Variants in SLCO1A2 observed in about 807,000 individuals in gnomAD.
SLCO1A2 encodes the protein OATP-1.
A neutral mutation model predicts 69.0 loss-of-function variants in SLCO1A2; 67 were observed. That is an observed-to-expected ratio of 0.97 (90% CI 0.80 to 1.19). SLCO1A2 has a LOEUF of 1.19. Ranked by LOEUF, SLCO1A2 falls within the 50% of genes most tolerant of loss-of-function variation. SLCO1A2 has a pLI of 0.00. For missense variants in SLCO1A2, 787 were observed against 793.7 expected, an observed-to-expected ratio of 0.99 and a Z score of 0.10; for synonymous variants, 260 against 265.9, an observed-to-expected ratio of 0.98 and a Z score of 0.22.
intron 1 of SLCO1A2, chr12:21,378,133 A>G: frequency 9.3e-7 from 1 of 1,074,842 alleles, no homozygotes; most frequent in Non-Finnish European, 1.4e-6. Context: ...TTATGTGAAA[A>G]TTGTTTCTTT....
At chr12:21,364,586 T>A (rs1225338440) in intron 2 of SLCO1A2, among the ~76,000 whole-genome samples, 1 of 152,090 alleles carries the variant, frequency 6.6e-6, no homozygotes, top group Non-Finnish European at 1.5e-5. Context: ...GGTATTCAAT[T>A]AGGAAAAGAG....
chr12:21,271,997 T>TTTATG (rs983429795), intron 14 of SLCO1A2, among the ~76,000 whole-genome samples: 3 of 151,420 alleles, frequency 2.0e-5, no homozygotes, highest in Non-Finnish European at 3.0e-5. Flanking sequence ...GTTCTAATTA[T>TTTATG]TTATGTTTAC....
intron 1 of SLCO1A2, among the ~76,000 whole-genome samples, chr12:21,381,494 A>G (rs1453344058): frequency 6.6e-6 from 1 of 152,274 alleles, no homozygotes; most frequent in African/African-American, 2.4e-5. Context: ...AAGAATGTCC[A>G]TTATTAAAAA....
At chr12:21,281,244 G>A (rs1282810924) in intron 12 of SLCO1A2, among the ~76,000 whole-genome samples, 1 of 152,118 alleles carries the variant, frequency 6.6e-6, no homozygotes, top group African/African-American at 2.4e-5. Flanking sequence ...AAGGTCAGGA[G>A]ATCAAGACCA....
intron 1 of SLCO1A2, among the ~76,000 whole-genome samples, chr12:21,416,535 G>A (rs568970717): frequency 1.3e-5 from 2 of 151,864 alleles, no homozygotes; most frequent in African/African-American, 2.4e-5. Flanking sequence ...AGCTAGCTTC[G>A]TGGGTATGTG....
intron 2 of SLCO1A2, among the ~76,000 whole-genome samples, chr12:21,326,055 A>G (rs1450248045): frequency 6.6e-6 from 1 of 152,254 alleles, no homozygotes; most frequent in Non-Finnish European, 1.5e-5. Flanking sequence ...ATTGGATCAT[A>G]GGGGTGGGTT....
At chr12:21,269,885 G>T in intron 14 of SLCO1A2, 118 bp from the exon 15 acceptor site, 1 of 612,916 alleles carries the variant, frequency 1.6e-6, no homozygotes, top group Non-Finnish European at 2.5e-6. Flanking sequence ...TTTGCATGCT[G>T]ATCTTATATA....
intron 12 of SLCO1A2, among the ~76,000 whole-genome samples, chr12:21,280,777 G>A (rs527965082): frequency 2.6e-5 from 4 of 152,006 alleles, no homozygotes; most frequent in African/African-American, 9.6e-5. Context: ...TTTATCCAAT[G>A]GCTACAGAAT....
intron 12 of SLCO1A2, among the ~76,000 whole-genome samples, chr12:21,289,780 G>T (rs956213116): frequency 2.0e-5 from 3 of 151,594 alleles, no homozygotes; most frequent in African/African-American, 7.3e-5. Flanking sequence ...AGCCCAGGGT[G>T]TCTGGACTTG....
At chr12:21,275,136 A>G in intron 13 of SLCO1A2, 1 of 933,896 alleles carries the variant, frequency 1.1e-6, no homozygotes, top group Non-Finnish European at 1.4e-6. Context: ...AACATCACAC[A>G]CCAGGGCCTG....
intron 2 of SLCO1A2, among the ~76,000 whole-genome samples, 193 bp from the exon 3 acceptor site, chr12:21,319,116 TGA>T (rs1045100780): frequency 5.3e-4 from 81 of 152,310 alleles, no homozygotes; most frequent in Middle Eastern, 6.8e-3. Context: ...AAACTCAAAG[TGA>T]GACTAATTTT....
At chr12:21,285,143 A>T (rs1285985485) in intron 12 of SLCO1A2, among the ~76,000 whole-genome samples, 42 of 145,916 alleles carry the variant, frequency 2.9e-4, no homozygotes, top group African/African-American at 7.4e-4. Context: ...GAGAAGAATC[A>T]AATAGACACA....
chr12:21,405,240 T>C (rs1158333918), intron 1 of SLCO1A2, among the ~76,000 whole-genome samples: 1 of 152,188 alleles, frequency 6.6e-6, no homozygotes, highest in Non-Finnish European at 1.5e-5. Context: ...TTAGATCTCA[T>C]TTGTCAATTT....
chr12:21,272,662 GATCT>G (rs957298105), intron 14 of SLCO1A2, among the ~76,000 whole-genome samples: 28 of 151,672 alleles, frequency 1.8e-4, no homozygotes, highest in African/African-American at 6.0e-4. Flanking sequence ...TTATATTTTT[GATCT>G]ATCTATCTCT....
At chr12:21,312,068 G>A (rs371946269) in intron 4 of SLCO1A2, among the ~76,000 whole-genome samples, 4 of 130,434 alleles carry the variant, frequency 3.1e-5, no homozygotes, top group Admixed American at 7.1e-5. Context: ...AAGAAGAAGA[G>A]GAAGAAGAAG....
intron 2 of SLCO1A2, among the ~76,000 whole-genome samples, chr12:21,362,777 C>T (rs567087455): frequency 6.6e-6 from 1 of 152,166 alleles, no homozygotes; most frequent in African/African-American, 2.4e-5. Context: ...GACTTTAAAC[C>T]AATAAAGATC....
chr12:21,407,871 AG>A (rs1941847571), intron 1 of SLCO1A2, among the ~76,000 whole-genome samples: 2 of 151,932 alleles, frequency 1.3e-5, no homozygotes, highest in African/African-American at 4.8e-5. Context: ...AGGACTGGCC[AG>A]GGGAAGGAAG....
intron 1 of SLCO1A2, chr12:21,379,256 T>A (rs1338958711): frequency 6.6e-6 from 1 of 152,188 alleles, no homozygotes; most frequent in Non-Finnish European, 1.5e-5. Flanking sequence ...AGTCTATTGT[T>A]TGTTGTGCTT....
At chr12:21,334,561 A>G (rs765792588) in intron 2 of SLCO1A2, 27 bp downstream of exon 2, 3 of 1,557,016 alleles carry the variant, frequency 1.9e-6, no homozygotes, top group Non-Finnish European at 8.8e-7. Context: ...GTACATGCAC[A>G]TATATCCACA....
Sources: allele counts gnomAD v4.1 joint callset (sites outside exome capture counted in the v4.1 genomes callset), GRCh38; gene constraint gnomAD v4.1.1; transcripts MANE v1.5; gene names NCBI Gene and HGNC (gene_info 2026-07-23, HGNC 2026-07-21).